RASL10B: variants seen among roughly 807,000 people sequenced by gnomAD.
RASL10B encodes the protein ras-like protein family member 10B.
Under a neutral mutation model 20.7 loss-of-function variants are expected in RASL10B, and 10 were observed. That is an observed-to-expected ratio of 0.48 (90% CI 0.30 to 0.82). RASL10B has a LOEUF of 0.82. Among genes scored for constraint, RASL10B ranks in the 40% least tolerant of loss-of-function variants. The pLI is 0.07. For missense variants in RASL10B, 231 were observed against 295.4 expected (o/e 0.78, Z 1.60); for synonymous variants, 110 against 123.3 (o/e 0.89, Z 0.72).
At position 35,731,724 on chromosome 17, in the gene RASL10B, C is replaced by CGCGCCCGCCCT. The variant is rs2085558581; in HGVS notation, c.-300_-290dup. Reference sequence around the variant, plus strand: ...CCTCGGCGGCCCGCATCTGCCCCCGCGCGCCCGCCCTGAGCCCGCCCCGAC... The same window carrying CGCGCCCGCCCT: ...CCTCGGCGGCCCGCATCTGCCCCCGCGCGCCCGCCCTGCGCCCGCCCTGAGCCCGCCCCGAC... On this transcript the variant is annotated 5_prime_UTR_variant, in exon 1 of 4. Transcript: ENST00000603017. 1 of 152,056 alleles carries CGCGCCCGCCCT rather than the reference C, an allele frequency of 6.6e-6. No homozygotes were observed. 9.4% of individuals were successfully genotyped at this position (152,056 alleles called of 1,614,324 possible).
In RASL10B at chr17:35,742,099, T is replaced by G. The variant is rs369238816; in HGVS notation, c.*794T>G. ...ACCCCCTGGGTTAAAACTTTTTTTC[T>G]TTTTTTTTTTTGGACAGAGTGTGGA... On this transcript the variant is annotated 3_prime_UTR_variant, in exon 4 of 4. Coordinates refer to ENST00000603017, the MANE Select transcript of RASL10B (RefSeq NM_033315.4). 1 of 66,588 alleles carries G rather than the reference T, an allele frequency of 1.5e-5. No homozygotes were observed. Among genetic ancestry groups the G allele is most frequent in the South Asian group, 5.6e-4 (1 of 1,770 alleles). The allele number at this position is 66,588 out of a possible 1,614,324, so 4.1% of individuals were successfully genotyped here.
chr17:35,736,467 A>T (rs906009226), intron 2 of RASL10B, among the ~76,000 whole-genome samples: 39 of 152,228 alleles, frequency 2.6e-4, no homozygotes, highest in African/African-American at 9.4e-4. Flanking sequence ...TCTGCCGGAG[A>T]CACCTGTTCA....
At chr17:35,739,248 G>T (rs1347149735) in intron 2 of RASL10B, among the ~76,000 whole-genome samples, 1 of 152,100 alleles carries the variant, frequency 6.6e-6, no homozygotes, top group African/African-American at 2.4e-5. Context: ...GTCCTCCTTT[G>T]TGCCTGGCCC....
chr17:35,734,001 A>AT (rs1317690041), intron 1 of RASL10B, among the ~76,000 whole-genome samples: 1 of 152,214 alleles, frequency 6.6e-6, no homozygotes, highest in Non-Finnish European at 1.5e-5. Flanking sequence ...ACTGGTTAGA[A>AT]TCACTGAACT....
At chr17:35,732,671 C>T (rs879950469) in intron 1 of RASL10B, among the ~76,000 whole-genome samples, 10 of 152,088 alleles carry the variant, frequency 6.6e-5, no homozygotes, top group Admixed American at 3.3e-4. Flanking sequence ...CCTGCCGCTC[C>T]CCAGAAAGGG....
chr17:35,740,570 G>A, intron 3 of RASL10B, 37 bp downstream of exon 3: 2 of 1,604,782 alleles, frequency 1.2e-6, no homozygotes, highest in Non-Finnish European at 1.7e-6. Flanking sequence ...CCACCTCTGT[G>A]GATGCCCCAG....
rs1387328789 is a variant in RASL10B, at chr17:35,735,229, G to A, written c.45G>A (p.Val15=). 6.2e-7 allele frequency: 1 copy of A among 1,612,910 alleles called. No individual in the cohort carries two copies. Among genetic ancestry groups the A allele is most frequent in the Non-Finnish European group, 8.5e-7 (1 of 1,179,992 alleles). ...TGGCCGTGCTGGGGGCGCGAGGTGTGGGCAAGAGTGCCATCGTGCGCCAGT... is the reference window on the plus strand; with the variant it reads ...TGGCCGTGCTGGGGGCGCGAGGTGTAGGCAAGAGTGCCATCGTGCGCCAGT... The part of the protein sequence containing the change: ...YRVAVLGARG[V]GKSAIVRQFL... Residue 15 remains valine, a synonymous_variant, in exon 2 of 4, where the codon GTG becomes GTA. Coordinates refer to ENST00000603017, the MANE Select transcript of RASL10B (RefSeq NM_033315.4). The surrounding 1 kb of genome is among the most constrained non-coding windows in gnomAD (Gnocchi z 6.7).
intron 2 of RASL10B, among the ~76,000 whole-genome samples, chr17:35,740,170 C>T (rs184999764): frequency 1.3e-5 from 2 of 152,308 alleles, no homozygotes; most frequent in Non-Finnish European, 2.9e-5. Flanking sequence ...TCCAGATGTG[C>T]ACAAGACAGT....
rs587679865 is a variant in RASL10B at position 35,734,278 on chromosome 17, A to T, written c.-147-760A>T. Reference sequence around the variant, plus strand: ...TCCAGCCAACTTGAAAGTTGGAAGAAGTACTGCGACATCGTAGAAAGGAGT... The same window carrying T: ...TCCAGCCAACTTGAAAGTTGGAAGATGTACTGCGACATCGTAGAAAGGAGT... On this transcript the variant is annotated intron_variant, in intron 1 of 3. Coordinates refer to ENST00000603017, the MANE Select transcript of RASL10B (RefSeq NM_033315.4). 7.9e-5 allele frequency among the ~76,000 whole-genome samples: 12 copies of T among 152,330 alleles called. No homozygotes were observed. The South Asian group carries it at 2.5e-3, about 32-fold the overall frequency.
At chr17:35,740,986 A>G (rs1555597842) in intron 3 of RASL10B, 49 bp from the exon 4 acceptor site, 3 of 1,494,246 alleles carry the variant, frequency 2.0e-6, no homozygotes, top group Non-Finnish European at 2.8e-6. Flanking sequence ...CTGGGAGTAC[A>G]GCGGTTGTGG....
rs1598388733 is a variant in RASL10B at position 35,735,484 on chromosome 17, C to T, written c.216+84C>T. On this transcript the variant is annotated intron_variant, in intron 2 of 3. Coordinates refer to ENST00000603017, the MANE Select transcript of RASL10B (RefSeq NM_033315.4). This position sits in a 1 kb window ranked among gnomAD's most constrained non-coding sequence, Gnocchi z 6.7. ...GGATTCCAAACTGCTGTAGCTTGGG[C>T]CCTATTGCCAGGGCCCCATCACTGA... is the stretch of plus-strand genomic sequence containing the variant. 1.4e-6 allele frequency: 2 copies of T among 1,394,590 alleles called. No individual in the cohort carries two copies. The highest frequency in any genetic ancestry group is 2.4e-5 in the East Asian group (1 of 41,536). The allele number at this position is 1,394,590 out of a possible 1,614,324, so 86.4% of individuals were successfully genotyped here.
intron 1 of RASL10B, among the ~76,000 whole-genome samples, chr17:35,732,188 C>T (rs953045584): frequency 1.3e-5 from 2 of 152,174 alleles, no homozygotes; most frequent in Non-Finnish European, 2.9e-5. Context: ...CACCCCCAGG[C>T]GAACGTGGTT....
chr17:35,735,335 C>A lies in RASL10B; in HGVS notation c.151C>A (p.His51Asn), dbSNP rs781893984. 2.5e-6 allele frequency: 4 copies of A among 1,614,216 alleles called. No homozygotes were observed. The highest frequency in any genetic ancestry group is 2.5e-6 in the Non-Finnish European group (3 of 1,180,050). ...CCTGCCTGCTGTCGTCATGAACGGCCACGTGCACGACCTCCAGATCCTCGA... is the reference window on the plus strand; with the variant it reads ...CCTGCCTGCTGTCGTCATGAACGGCAACGTGCACGACCTCCAGATCCTCGA... ...LYLPAVVMNG[H>N]VHDLQILDFP... Residue 51 changes from histidine (H) to asparagine (N), a missense_variant, in exon 2 of 4, where the codon CAC becomes AAC. By Grantham distance (68) the His-to-Asn change is moderately conservative. Transcript: ENST00000603017. This position sits in a 1 kb window ranked among gnomAD's most constrained non-coding sequence, Gnocchi z 6.7.
At position 35,731,797 on chromosome 17, in the gene RASL10B, CG is replaced by C. The variant is rs1440052211; in HGVS notation, c.-223del. The stretch of plus-strand genomic sequence containing the variant: ...CTTCTCTCCCCCCGGGCGGGGGAGC[CG>C]GGGGGCAGCGCCGGAGCCCGGGGGG... On this transcript the variant is annotated 5_prime_UTR_variant, in exon 1 of 4. Coordinates refer to ENST00000603017, the MANE Select transcript of RASL10B (RefSeq NM_033315.4). The C allele has an allele frequency of 6.6e-6, 1 of 151,822 alleles. No individual in the cohort carries two copies. Among genetic ancestry groups the C allele is most frequent in the Non-Finnish European group, 1.5e-5 (1 of 67,848 alleles). 9.4% of individuals were successfully genotyped at this position (151,822 alleles called of 1,614,324 possible). A position where few individuals can be genotyped will look rare whatever the true frequency, so the allele number is the denominator to read the frequency against.
intron 2 of RASL10B, among the ~76,000 whole-genome samples, chr17:35,736,047 A>C (rs2085589551): frequency 6.6e-6 from 1 of 152,116 alleles, no homozygotes; most frequent in Admixed American, 6.5e-5. Flanking sequence ...TCTTCTCTTA[A>C]GTGATGCTCT....
chr17:35,740,471 C>T lies in RASL10B; in HGVS notation c.279C>T (p.Asp93=), dbSNP rs2085622475. The change falls in exon 3 of 4, where the codon GAC becomes GAT. Residue 93 remains aspartate, a synonymous_variant. Transcript: ENST00000603017. ...RSVHAYILVY[D]ICCFDSFEYV... is the part of the protein sequence containing the mutation. ...TCCACGCCTACATCCTGGTCTACGA[C>T]ATCTGCTGCTTTGACAGCTTTGAGT... is the stretch of plus-strand genomic sequence containing the variant. 1 of 1,614,108 alleles carries T rather than the reference C, an allele frequency of 6.2e-7. No homozygotes were observed. Among genetic ancestry groups the T allele is most frequent in the Non-Finnish European group, 8.5e-7 (1 of 1,180,016 alleles).
At chr17:35,739,587 G>T (rs923577406) in intron 2 of RASL10B, among the ~76,000 whole-genome samples, 1 of 152,196 alleles carries the variant, frequency 6.6e-6, no homozygotes, top group African/African-American at 2.4e-5. Context: ...CTGCCCAGGG[G>T]CCCTACTCTA....
intron 2 of RASL10B, among the ~76,000 whole-genome samples, chr17:35,736,444 G>T (rs764566273): frequency 6.6e-6 from 1 of 152,222 alleles, no homozygotes; most frequent in African/African-American, 2.4e-5. Flanking sequence ...CAGGCAGGAG[G>T]GCCCTGGCCT....
chr17:35,732,975 C>A (rs2085567752), intron 1 of RASL10B, among the ~76,000 whole-genome samples: 1 of 152,064 alleles, frequency 6.6e-6, no homozygotes, highest in Non-Finnish European at 1.5e-5. Context: ...AGTTGGGAGC[C>A]CATGTAAGTG....
Sources: gnomAD v4.1 joint callset for allele counts (sites outside exome capture counted in the v4.1 genomes callset) on GRCh38, gnomAD v4.1.1 for gene constraint, Gnocchi (gnomAD v3.1) non-coding constraint, MANE v1.5 for transcripts, NCBI Gene and HGNC (gene_info 2026-07-23, HGNC 2026-07-21) for gene names.